The following RALGAPA2 variants were observed in gnomAD, a reference collection of about 807,000 sequenced individuals.
RALGAPA2 encodes the protein Ral GTPase activating protein catalytic subunit alpha 2, also known as ral GTPase-activating protein subunit alpha-2.
A neutral mutation model predicts 230.4 loss-of-function variants in RALGAPA2; 139 were observed. The ratio of observed to expected loss-of-function variants is 0.60; its 90% CI spans 0.53 to 0.69. The LOEUF (loss-of-function observed/expected upper bound fraction) is 0.69, where lower values mean the gene tolerates loss of function less well. Ranked by LOEUF, RALGAPA2 falls within the 30% of genes least tolerant of loss-of-function variation. RALGAPA2 has a pLI of 0.00. For synonymous variants in RALGAPA2, 847 were observed against 837.8 expected, an observed-to-expected ratio of 1.01 and a Z score of -0.19; for missense variants, 2,163 against 2,276.0, an observed-to-expected ratio of 0.95 and a Z score of 1.01.
intron 27 of RALGAPA2, 145 bp from the exon 28 acceptor site, chr20:20,526,507 C>T (rs1015886351): frequency 2.9e-5 from 17 of 584,298 alleles, no homozygotes; most frequent in Non-Finnish European, 4.8e-5. Context: ...TGTCCTATTA[C>T]CACAGAGTTT....
intron 38 of RALGAPA2, among the ~76,000 whole-genome samples, chr20:20,407,225 G>A (rs759976009): frequency 6.6e-6 from 1 of 152,142 alleles, no homozygotes; most frequent in Non-Finnish European, 1.5e-5. Flanking sequence ...GCAAAGTTAT[G>A]GGGAAGCTGA....
chr20:20,519,906 C>G (rs1250609796), intron 31 of RALGAPA2, among the ~76,000 whole-genome samples: 1 of 151,974 alleles, frequency 6.6e-6, no homozygotes, highest in Non-Finnish European at 1.5e-5. Context: ...GAGTCTCACT[C>G]TGTCGCTCAA....
chr20:20,589,415 A>G (rs372708200), intron 17 of RALGAPA2, 50 bp from the exon 18 acceptor site: 4 of 1,510,828 alleles, frequency 2.6e-6, no homozygotes, highest in South Asian at 1.2e-5. Context: ...AATGTTTCAG[A>G]TAGTAAAACC....
intron 37 of RALGAPA2, among the ~76,000 whole-genome samples, chr20:20,450,410 C>T (rs759303990): frequency 6.6e-6 from 1 of 152,198 alleles, no homozygotes; most frequent in Non-Finnish European, 1.5e-5. Flanking sequence ...TTATTCCATA[C>T]AATCAAGGTT....
At chr20:20,583,005 TC>T in intron 20 of RALGAPA2, 44 bp downstream of exon 20, 1 of 1,572,798 alleles carries the variant, frequency 6.4e-7, no homozygotes, top group Non-Finnish European at 8.7e-7. Context: ...ACAACTGATC[TC>T]CCAGCTGTTT....
At chr20:20,455,062 G>A (rs751442712) in intron 37 of RALGAPA2, among the ~76,000 whole-genome samples, 1 of 152,172 alleles carries the variant, frequency 6.6e-6, no homozygotes, top group Non-Finnish European at 1.5e-5. Context: ...AAGTTTCAGA[G>A]GAATGGTGAT....
intron 36 of RALGAPA2, among the ~76,000 whole-genome samples, chr20:20,481,915 C>T (rs891921153): frequency 1.3e-5 from 2 of 151,988 alleles, no homozygotes; most frequent in African/African-American, 2.4e-5. Context: ...ACCCCGAAAG[C>T]GTGTTGCAAA....
intron 23 of RALGAPA2, among the ~76,000 whole-genome samples, chr20:20,557,413 G>A (rs1357865519): frequency 2.0e-5 from 3 of 152,180 alleles, no homozygotes; most frequent in Non-Finnish European, 4.4e-5. Flanking sequence ...CACAAACATA[G>A]GTACTGCAGA....
At chr20:20,649,329 G>C (rs560126305) in intron 4 of RALGAPA2, among the ~76,000 whole-genome samples, 1 of 152,298 alleles carries the variant, frequency 6.6e-6, no homozygotes, top group Admixed American at 6.5e-5. Flanking sequence ...GGACCCAGTG[G>C]GGAGTAGGGA....
chr20:20,571,557 G>GATC lies in RALGAPA2; in HGVS notation c.3054_3056dup (p.Leu1018_Ile1019insMet). ...CCTGGCGTCTGGTCATCATGGCACAGATCAGCCTGTAGGCTTGTAGTTTGC... is the reference window on the plus strand; with the variant it reads ...CCTGGCGTCTGGTCATCATGGCACAGATCATCAGCCTGTAGGCTTGTAGTTTGC... On this transcript the variant is annotated inframe_insertion, in exon 23 of 40. Coordinates refer to ENST00000202677, the MANE Select transcript of RALGAPA2 (RefSeq NM_020343.4). 1 of 1,612,434 alleles carries GATC rather than the reference G, an allele frequency of 6.2e-7. No individual in the cohort carries two copies. Among genetic ancestry groups the GATC allele is most frequent in the Non-Finnish European group, 8.5e-7 (1 of 1,179,274 alleles).
intron 35 of RALGAPA2, among the ~76,000 whole-genome samples, chr20:20,497,179 A>T (rs1321565610): frequency 1.3e-5 from 2 of 152,222 alleles, no homozygotes; most frequent in Non-Finnish European, 2.9e-5. Context: ...ACATCTCTTT[A>T]TATTTCTCCA....
chr20:20,625,335 C>T (rs1183751839), intron 10 of RALGAPA2, among the ~76,000 whole-genome samples: 1 of 152,224 alleles, frequency 6.6e-6, no homozygotes, highest in Non-Finnish European at 1.5e-5. Flanking sequence ...AGACTTTCTT[C>T]TAACATTAAT....
At chr20:20,696,747 C>G (rs1568767614) in intron 1 of RALGAPA2, among the ~76,000 whole-genome samples, 1 of 152,146 alleles carries the variant, frequency 6.6e-6, no homozygotes, top group Non-Finnish European at 1.5e-5. Context: ...AATCACAAAG[C>G]TGCTCCCTTG....
At chr20:20,644,211 T>C (rs2067135069) in intron 4 of RALGAPA2, among the ~76,000 whole-genome samples, 1 of 152,116 alleles carries the variant, frequency 6.6e-6, no homozygotes, top group Non-Finnish European at 1.5e-5. Flanking sequence ...TAAAACGGGA[T>C]CTTAACCTCA....
intron 5 of RALGAPA2, among the ~76,000 whole-genome samples, chr20:20,641,986 A>C (rs2067045195): frequency 6.6e-6 from 1 of 151,646 alleles, no homozygotes; most frequent in Non-Finnish European, 1.5e-5. Flanking sequence ...GTGTACTTCC[A>C]AACACAGTCC....
chr20:20,622,229 T>C (rs2066345765), intron 10 of RALGAPA2, among the ~76,000 whole-genome samples: 1 of 150,276 alleles, frequency 6.7e-6, no homozygotes, highest in South Asian at 2.1e-4. Context: ...GAAAATACAA[T>C]GAATAGGTTA....
intron 38 of RALGAPA2, among the ~76,000 whole-genome samples, chr20:20,404,572 T>C (rs1277384323): frequency 6.6e-6 from 1 of 152,192 alleles, no homozygotes; most frequent in Non-Finnish European, 1.5e-5. Context: ...TCACAAGGAA[T>C]GTGAACCCGG....
chr20:20,474,538 G>A lies in RALGAPA2; in HGVS notation c.5368-1582C>T, dbSNP rs767530972. Reference sequence around the variant, plus strand: ...CTACTGAATAAAGCAAGAGATGGTGGTAATGGCTTGGATCAGAATGGCAGC... The same window carrying A: ...CTACTGAATAAAGCAAGAGATGGTGATAATGGCTTGGATCAGAATGGCAGC... On this transcript the variant is annotated intron_variant, in intron 36 of 39. Transcript: ENST00000202677. Among the ~76,000 whole-genome samples, 79 of 152,218 alleles carry A rather than the reference G, an allele frequency of 5.2e-4. 2 individuals are homozygous for A. The highest frequency in any genetic ancestry group is 5.1e-4 in the Non-Finnish European group (35 of 68,038).
At position 20,584,982 on chromosome 20, in the gene RALGAPA2, T is replaced by C. The variant is rs770115674; in HGVS notation, c.2440-27A>G. The C allele has an allele frequency of 2.3e-5, 35 of 1,545,796 alleles. 1 individual carries two copies. The highest frequency in any genetic ancestry group is 2.9e-5 in the Non-Finnish European group (33 of 1,126,928). On this transcript the variant is annotated intron_variant, in intron 18 of 39. Coordinates refer to ENST00000202677, the MANE Select transcript of RALGAPA2 (RefSeq NM_020343.4). The stretch of plus-strand genomic sequence containing the variant: ...TTCAGACAAAAAGAAATATTGCATT[T>C]ACTACAGGAAAGTTTTCATTGTTAT...
Sources: allele counts gnomAD v4.1 joint callset (sites outside exome capture counted in the v4.1 genomes callset), GRCh38; gene constraint gnomAD v4.1.1; transcripts MANE v1.5; gene names NCBI Gene and HGNC (gene_info 2026-07-23, HGNC 2026-07-21).